Variants in TIAM1 observed in about 807,000 individuals in gnomAD.
TIAM1 encodes the protein TIAM Rac1 associated GEF 1.
In TIAM1, 65 loss-of-function variants were observed where a neutral mutation model predicts 163.5. The observed-to-expected ratio is 0.40, with a 90% CI of 0.33 to 0.49. The LOEUF is 0.49. Ranked by LOEUF, TIAM1 falls within the 20% of genes least tolerant of loss-of-function variation. The probability of loss-of-function intolerance (pLI) is 0.77; values close to 1 mark genes in which losing one functional copy is unlikely to be tolerated. For missense variants in TIAM1, 1,789 were observed against 2,044.7 expected (o/e 0.87, Z 2.41); for synonymous variants, 833 against 810.1 (o/e 1.03, Z -0.48).
chr21:31,493,778 C>A (rs1255352044), intron 1 of TIAM1, among the ~76,000 whole-genome samples: 1 of 152,170 alleles, frequency 6.6e-6, no homozygotes, highest in African/African-American at 2.4e-5. Context: ...AAGGGACCAG[C>A]TGGTGGCGTC....
At chr21:31,557,108 A>G (rs904658285) in intron 1 of TIAM1, among the ~76,000 whole-genome samples, 1 of 152,210 alleles carries the variant, frequency 6.6e-6, no homozygotes, top group South Asian at 2.1e-4. Context: ...TCTGGGTCCC[A>G]GCAGAATCTT....
chr21:31,521,745 AACACACACAC>A (rs35006738), intron 1 of TIAM1, among the ~76,000 whole-genome samples: 12 of 146,862 alleles, frequency 8.2e-5, no homozygotes, highest in Admixed American at 4.1e-4. Flanking sequence ...CTCACACACA[AACACACACAC>A]ACACACACAC....
At chr21:31,421,639 C>G (rs2043577446) in intron 2 of TIAM1, among the ~76,000 whole-genome samples, 1 of 152,178 alleles carries the variant, frequency 6.6e-6, no homozygotes, top group Admixed American at 6.5e-5. Context: ...AAACTGTCTT[C>G]CATGAAACTT....
chr21:31,142,630 C>CA (rs35209332), intron 20 of TIAM1, among the ~76,000 whole-genome samples: 3,529 of 101,246 alleles, frequency 0.035, 75 homozygotes, highest in Non-Finnish European at 0.053. Context: ...GACTCCGTCT[C>CA]AAAAAAAAAA....
At chr21:31,496,815 C>T (rs1014279241) in intron 1 of TIAM1, among the ~76,000 whole-genome samples, 1 of 151,956 alleles carries the variant, frequency 6.6e-6, no homozygotes, top group Non-Finnish European at 1.5e-5. Flanking sequence ...TGTATTTTTG[C>T]TGTATCTTTC....
At chr21:31,128,670 A>G (rs185139077) in intron 25 of TIAM1, among the ~76,000 whole-genome samples, 58 of 152,332 alleles carry the variant, frequency 3.8e-4, no homozygotes, top group Middle Eastern at 6.8e-3. Context: ...ATATAAATCA[A>G]TTTTGCAAAT....
At chr21:31,140,222 AAC>A (rs2082786847) in intron 22 of TIAM1, among the ~76,000 whole-genome samples, 1 of 152,158 alleles carries the variant, frequency 6.6e-6, no homozygotes, top group South Asian at 2.1e-4. Context: ...GCCTACACTA[AAC>A]AACCAAACTT....
At chr21:31,359,805 AAAGGAAGGAAGG>A (rs767750965) in intron 2 of TIAM1, among the ~76,000 whole-genome samples, 18,769 of 90,636 alleles carry the variant, frequency 0.21, 2,021 homozygotes, top group Middle Eastern at 0.32. Context: ...AAAGAAAGAA[AAAGGAAGGAAGG>A]AAGGAAGGAA....
intron 2 of TIAM1, among the ~76,000 whole-genome samples, chr21:31,403,718 T>C (rs2077203213): frequency 6.6e-6 from 1 of 152,140 alleles, no homozygotes; most frequent in African/African-American, 2.4e-5. Flanking sequence ...AGGAATAGTC[T>C]AAAAATTGCT....
At chr21:31,194,287 A>C (rs1385033255) in intron 13 of TIAM1, among the ~76,000 whole-genome samples, 2 of 152,150 alleles carry the variant, frequency 1.3e-5, no homozygotes, top group African/African-American at 2.4e-5. Flanking sequence ...CATAGTTGTG[A>C]GTATGACCAG....
chr21:31,251,862 G>C lies in TIAM1; in HGVS notation c.1291C>G (p.Gln431Glu). Reference protein sequence around the residue: ...GQSDILLTAAQGTVRKAGALA... With the variant: ...GQSDILLTAAEGTVRKAGALA... ...GCGCCGGCCTTGCGCACCGTGCCCT[G>C]TGCGGCGGTCAGCAGGATGTCCGAC... is the stretch of plus-strand genomic sequence containing the variant. Residue 431 changes from glutamine (Q) to glutamate (E), a missense_variant, in exon 5 of 28, where the codon CAG (glutamine) becomes GAG (glutamate). By Grantham distance (29) the Gln-to-Glu change is conservative. This residue lies in a region of TIAM1 where 456 missense variants were observed against 586.6 expected (regional missense o/e 0.78). Transcript: ENST00000541036. 2 of 1,613,916 alleles carry C rather than the reference G, an allele frequency of 1.2e-6. No individual in the cohort carries two copies. The highest frequency in any genetic ancestry group is 1.7e-6 in the Non-Finnish European group (2 of 1,179,950).
chr21:31,167,617 C>T (rs962346206), intron 15 of TIAM1, among the ~76,000 whole-genome samples: 5 of 152,148 alleles, frequency 3.3e-5, no homozygotes, highest in African/African-American at 7.2e-5. Flanking sequence ...AGCCCTAAAA[C>T]GGCGTTTCCC....
chr21:31,423,288 C>A lies in TIAM1; in HGVS notation c.-369+40695G>T, dbSNP rs1417033372. 3.3e-5 allele frequency among the ~76,000 whole-genome samples: 5 copies of A among 151,716 alleles called. No individual in the cohort carries two copies. In the East Asian group the frequency reaches 9.7e-4, roughly 29 times the overall value. On this transcript the variant is annotated intron_variant, in intron 2 of 28. Transcript: ENST00000286827. ...TAATTTTTTGTATTTTTAGTAGAGA[C>A]AGGGTTTCACCATGTTAGCCAGGAT...
chr21:31,553,621 G>A (rs1317370956), intron 1 of TIAM1, among the ~76,000 whole-genome samples: 2 of 152,142 alleles, frequency 1.3e-5, no homozygotes, highest in Non-Finnish European at 2.9e-5. Context: ...AAGAGGGTTG[G>A]GTTGATAGAG....
chr21:31,300,541 G>A (rs148496692), intron 2 of TIAM1, among the ~76,000 whole-genome samples: 228 of 152,296 alleles, frequency 1.5e-3, no homozygotes, highest in Middle Eastern at 0.01. Flanking sequence ...TGAACCCCTC[G>A]TCAATGATAA....
At chr21:31,490,819 A>G (rs1052857013) in intron 1 of TIAM1, among the ~76,000 whole-genome samples, 2 of 152,188 alleles carry the variant, frequency 1.3e-5, no homozygotes, top group Admixed American at 1.3e-4. Context: ...CACCCCTGCT[A>G]TTGTGTAGAA....
rs1390926504 is a variant in TIAM1 at position 31,182,530 on chromosome 21, G to C, written c.2778C>G (p.Thr926=). The stretch of plus-strand genomic sequence containing the variant: ...CCACTCCTTCCTCCAGCTCGGGGTA[G>C]GTCCTCACCAGGAGGCCCAGCGAGG... ...SQPSLGLLVR[T]YPELEEGVEL... The change falls in exon 15 of 28, where the codon ACC becomes ACG. Residue 926 remains threonine (T), a synonymous_variant. Coordinates refer to ENST00000541036, the MANE Select transcript of TIAM1 (RefSeq NM_001353694.2). 7 of 1,613,880 alleles carry C rather than the reference G, an allele frequency of 4.3e-6. No individual in the cohort carries two copies. The Admixed American group carries it at 8.3e-5, about 19-fold the overall frequency.
At chr21:31,277,808 C>T (rs1418492032) in intron 2 of TIAM1, among the ~76,000 whole-genome samples, 1 of 152,152 alleles carries the variant, frequency 6.6e-6, no homozygotes, top group Non-Finnish European at 1.5e-5. Flanking sequence ...TCCAAGAACC[C>T]TCTCTTAGAG....
At chr21:31,274,539 C>A (rs2073202899) in intron 3 of TIAM1, among the ~76,000 whole-genome samples, 1 of 152,150 alleles carries the variant, frequency 6.6e-6, no homozygotes, top group Non-Finnish European at 1.5e-5. Context: ...CTCAATTACA[C>A]CAGCGGTTCC....
Sources: allele counts gnomAD v4.1 joint callset (sites outside exome capture counted in the v4.1 genomes callset), GRCh38; gene constraint gnomAD v4.1.1; regional missense constraint gnomAD v4.1.1; transcripts MANE v1.5; gene names NCBI Gene and HGNC (gene_info 2026-07-23, HGNC 2026-07-21).